Variants in ZNF365 observed in about 807,000 individuals in gnomAD.
ZNF365 encodes the protein protein ZNF365.
ZNF365 carries 22 observed loss-of-function variants against 35.0 expected under a neutral mutation model. The ratio of observed to expected loss-of-function variants is 0.63; its 90% CI spans 0.45 to 0.90. ZNF365 has a LOEUF of 0.90. ZNF365 is among the 40% of genes least tolerant of loss of function. The pLI is 0.00. For synonymous variants in ZNF365, 188 were observed against 196.2 expected (o/e 0.96, Z 0.35); for missense variants, 448 against 500.3 (o/e 0.90, Z 1.00).
rs774318479 is a variant in ZNF365 at position 62,479,917 on chromosome 10, T to C, written c.*21T>C. ...AATAATGAACTTCGAATGATGTGAT[T>C]CTGGATGAGGACTTGGATCAAGAGA... On this transcript the variant is annotated 3_prime_UTR_variant, in exon 5 of 5. Coordinates refer to the ZNF365 transcript ENST00000395255. The C allele has an allele frequency of 5.0e-6, 8 of 1,613,248 alleles. No individual in the cohort carries two copies. The East Asian group carries it at 1.6e-4, about 31-fold the overall frequency.
intron 3 of ZNF365, among the ~76,000 whole-genome samples, chr10:62,409,003 C>A (rs1026629448): frequency 2.0e-5 from 3 of 152,148 alleles, no homozygotes; most frequent in Non-Finnish European, 2.9e-5. Context: ...GGAATTCAAA[C>A]CCCCTTCTTG....
At chr10:62,405,626 A>C (rs1418778278), downstream of ZNF365, among the ~76,000 whole-genome samples, 1 of 152,240 alleles carries the variant, frequency 6.6e-6, no homozygotes, top group Non-Finnish European at 1.5e-5. Context: ...TGGGAGTTAT[A>C]GACGTTGCCA....
rs770384928 is a variant in ZNF365 at position 62,399,501 on chromosome 10, TCCACTCCC to T, written c.963-24_963-17del. On this transcript the variant is annotated intron_variant, in intron 4 of 4. Transcript: ENST00000395254. ...AATCTTTCTTTCTGCTCATCTCTTC[TCCACTCCC>T]CCCTCCAACCCTCTGTAGAAGCCGA... 4.4e-6 allele frequency: 7 copies of T among 1,607,778 alleles called. No homozygotes were observed. Among genetic ancestry groups the T allele is most frequent in the African/African-American group, 4.0e-5 (3 of 74,580 alleles).
chr10:62,466,898 C>G (rs1840953181), intron 4 of ZNF365, among the ~76,000 whole-genome samples: 1 of 152,048 alleles, frequency 6.6e-6, no homozygotes. Context: ...ACCTTCCAGG[C>G]TCAAGTGATT....
At chr10:62,380,973 T>G (rs1839428480) in intron 2 of ZNF365, among the ~76,000 whole-genome samples, 1 of 152,142 alleles carries the variant, frequency 6.6e-6, no homozygotes, top group African/African-American at 2.4e-5. Flanking sequence ...ATGTGCCCAG[T>G]GCTGTGTGAG....
intron 2 of ZNF365, among the ~76,000 whole-genome samples, chr10:62,382,536 T>A (rs1379327682): frequency 6.6e-6 from 1 of 152,182 alleles, no homozygotes; most frequent in African/African-American, 2.4e-5. Context: ...CTCCCCTGCC[T>A]CCTATCACAT....
At chr10:62,452,740 A>T (rs1405943249) in intron 3 of ZNF365, among the ~76,000 whole-genome samples, 1 of 152,246 alleles carries the variant, frequency 6.6e-6, no homozygotes, top group Non-Finnish European at 1.5e-5. Context: ...TAACTCTAGG[A>T]ATAAGTTTTT....
At chr10:62,425,445 A>T (rs1564584614) in intron 3 of ZNF365, among the ~76,000 whole-genome samples, 1 of 152,232 alleles carries the variant, frequency 6.6e-6, no homozygotes, top group Non-Finnish European at 1.5e-5. Flanking sequence ...AGGATTCCTA[A>T]TCAGTAAGAA....
chr10:62,418,798 C>T (rs932969222), intron 3 of ZNF365, among the ~76,000 whole-genome samples: 1 of 152,058 alleles, frequency 6.6e-6, no homozygotes, highest in Non-Finnish European at 1.5e-5. Context: ...CAATCCATAC[C>T]TTCCTTTTAG....
In ZNF365 at chr10:62,399,524, G is replaced by C; in HGVS notation, c.963-4G>C. ...TCTCCACTCCCCCCTCCAACCCTCT[G>C]TAGAAGCCGAGGGCACCCGCATTCG... On this transcript the variant is annotated splice_polypyrimidine_tract_variant and splice_region_variant and intron_variant, in intron 4 of 4. Coordinates refer to ENST00000395254, the MANE Select transcript of ZNF365 (RefSeq NM_014951.3). 2 of 1,613,758 alleles carry C rather than the reference G, an allele frequency of 1.2e-6. No individual in the cohort carries two copies. Among genetic ancestry groups the C allele is most frequent in the Non-Finnish European group, 1.7e-6 (2 of 1,179,788 alleles).
chr10:62,419,573 T>C (rs1225387801), intron 3 of ZNF365, among the ~76,000 whole-genome samples: 3 of 151,974 alleles, frequency 2.0e-5, no homozygotes, highest in Non-Finnish European at 4.4e-5. Flanking sequence ...GAGGTAACAC[T>C]GATTAATGAT....
Position 62,375,844 on chromosome 10 carries a change from C to G in ZNF365, c.-13-337C>G, listed in dbSNP as rs996008010. 5.3e-5 allele frequency: 12 copies of G among 225,930 alleles called. No individual in the cohort carries two copies. In the Admixed American group the frequency reaches 5.7e-4, roughly 11 times the overall value. The allele number at this position is 225,930 out of a possible 1,614,324, so 14.0% of individuals were successfully genotyped here. A position where few individuals can be genotyped will look rare whatever the true frequency, so the allele number is the denominator to read the frequency against. Reference sequence around the variant, plus strand: ...TCTTCTGTGGAGAGGGAATGTTACCCACCTTTTTGATTCTAGGTAGGAGTT... The same window carrying G: ...TCTTCTGTGGAGAGGGAATGTTACCGACCTTTTTGATTCTAGGTAGGAGTT... On this transcript the variant is annotated intron_variant, in intron 1 of 4. Coordinates refer to ENST00000395254, the MANE Select transcript of ZNF365 (RefSeq NM_014951.3).
intron 4 of ZNF365, 99 bp downstream of exon 4, chr10:62,398,876 C>A: frequency 1.7e-6 from 2 of 1,195,140 alleles, no homozygotes; most frequent in Non-Finnish European, 2.3e-6. Context: ...TATATGATAT[C>A]TATATTATAA....
At chr10:62,382,063 A>G (rs1033497735) in intron 2 of ZNF365, among the ~76,000 whole-genome samples, 31 of 152,224 alleles carry the variant, frequency 2.0e-4, no homozygotes, top group African/African-American at 7.5e-4. Context: ...AGGGTGTATG[A>G]CAAATGAGAC....
chr10:62,441,103 C>A (rs1840493167), intron 3 of ZNF365, among the ~76,000 whole-genome samples: 1 of 151,858 alleles, frequency 6.6e-6, no homozygotes, highest in African/African-American at 2.4e-5. Flanking sequence ...TGGTTGAATC[C>A]CCATAAAAAG....
intron 3 of ZNF365, among the ~76,000 whole-genome samples, chr10:62,438,193 G>GT (rs11357058): frequency 0.026 from 3,688 of 142,416 alleles, 103 homozygotes; most frequent in African/African-American, 0.076. Context: ...TTTTGTTTTT[G>GT]TTTTTTTTTT....
rs912740648 is a variant in ZNF365 at position 62,383,085 on chromosome 10, A to G, written c.744-5311A>G. Among the ~76,000 whole-genome samples, 4 of 152,284 alleles carry G rather than the reference A, an allele frequency of 2.6e-5. No homozygotes were observed. In the South Asian group the frequency reaches 8.3e-4, roughly 32 times the overall value. ...GCCCCAGTACTTGTCTGGAAAAAGG[A>G]AAAAAGAAACTTAAGGATCTCTGTG... On this transcript the variant is annotated intron_variant, in intron 2 of 4. Coordinates refer to ENST00000395254, the MANE Select transcript of ZNF365 (RefSeq NM_014951.3).
At chr10:62,379,047 G>C (rs1421837074) in intron 2 of ZNF365, among the ~76,000 whole-genome samples, 2 of 139,314 alleles carry the variant, frequency 1.4e-5, no homozygotes, top group African/African-American at 5.5e-5. Flanking sequence ...TTTTGAGACA[G>C]AGTCTCACTT....
chr10:62,477,184 G>A (rs1379151745), intron 4 of ZNF365, among the ~76,000 whole-genome samples: 1 of 152,056 alleles, frequency 6.6e-6, no homozygotes, highest in African/African-American at 2.4e-5. Context: ...TATATGAGGT[G>A]GGGAAAGCTA....
Sources: allele counts gnomAD v4.1 joint callset (sites outside exome capture counted in the v4.1 genomes callset), GRCh38; gene constraint gnomAD v4.1.1; transcripts MANE v1.5; gene names NCBI Gene and HGNC (gene_info 2026-07-23, HGNC 2026-07-21).